Variants in FAM78B observed in about 807,000 individuals in gnomAD.
FAM78B encodes protein FAM78B.
In FAM78B, 10 loss-of-function variants were observed where a neutral mutation model predicts 20.0. The ratio of observed to expected loss-of-function variants is 0.50; its 90% CI spans 0.31 to 0.85. The LOEUF is 0.85. Among genes scored for constraint, FAM78B ranks in the 40% least tolerant of loss-of-function variants. The pLI, the probability that FAM78B is intolerant of heterozygous loss-of-function variation, is 0.05. For synonymous variants in FAM78B, 135 were observed against 132.8 expected (o/e 1.02, Z -0.12); for missense variants, 283 against 345.0 (o/e 0.82, Z 1.42).
intron 1 of FAM78B, among the ~76,000 whole-genome samples, chr1:166,109,711 C>A (rs1015569411): frequency 6.7e-6 from 1 of 148,842 alleles, no homozygotes; most frequent in South Asian, 2.2e-4. Flanking sequence ...CTTGGACACG[C>A]ATGTTTATAG....
intron 1 of FAM78B, among the ~76,000 whole-genome samples, chr1:166,122,201 T>C (rs1192593482): frequency 1.3e-5 from 2 of 152,120 alleles, no homozygotes; most frequent in Non-Finnish European, 2.9e-5. Flanking sequence ...ATAAGCATAG[T>C]CTGAGGGCAT....
At chr1:166,078,370 A>G (rs1652420246) in intron 1 of FAM78B, among the ~76,000 whole-genome samples, 1 of 151,882 alleles carries the variant, frequency 6.6e-6, no homozygotes, top group Admixed American at 6.6e-5. Flanking sequence ...TTCTCCTATA[A>G]CCCTTCTCCT....
At chr1:166,148,995 T>C (rs1234435522) in intron 1 of FAM78B, among the ~76,000 whole-genome samples, 1 of 152,220 alleles carries the variant, frequency 6.6e-6, no homozygotes, top group African/African-American at 2.4e-5. Context: ...TATGGCTGCA[T>C]AGTATTCCAT....
At chr1:166,073,155 A>C (rs745376107) in intron 1 of FAM78B, among the ~76,000 whole-genome samples, 1 of 152,226 alleles carries the variant, frequency 6.6e-6, no homozygotes, top group Non-Finnish European at 1.5e-5. Context: ...GGAACAGAGA[A>C]ATACAACAGG....
intron 1 of FAM78B, among the ~76,000 whole-genome samples, chr1:166,143,985 C>T (rs1359014831): frequency 2.0e-5 from 3 of 152,070 alleles, no homozygotes; most frequent in Admixed American, 6.6e-5. Context: ...AGATGAGATA[C>T]AAACTGCTAA....
chr1:166,130,490 G>A (rs1654832424), intron 1 of FAM78B, among the ~76,000 whole-genome samples: 1 of 152,138 alleles, frequency 6.6e-6, no homozygotes, highest in Non-Finnish European at 1.5e-5. Flanking sequence ...CTGCCCTTCA[G>A]AGGACACCTG....
chr1:166,150,011 TG>T (rs1307875200), intron 1 of FAM78B, among the ~76,000 whole-genome samples: 5 of 152,140 alleles, frequency 3.3e-5, no homozygotes, highest in Non-Finnish European at 5.9e-5. Flanking sequence ...AAGTGAGCCT[TG>T]GGGGTAAGGT....
intron 1 of FAM78B, among the ~76,000 whole-genome samples, chr1:166,160,151 C>T (rs747170483): frequency 6.6e-6 from 1 of 152,148 alleles, no homozygotes; most frequent in Non-Finnish European, 1.5e-5. Flanking sequence ...ATCTGGTCCT[C>T]GAGAGCAAAA....
intron 1 of FAM78B, among the ~76,000 whole-genome samples, chr1:166,113,872 A>T (rs1654156740): frequency 6.6e-6 from 1 of 152,232 alleles, no homozygotes; most frequent in Admixed American, 6.5e-5. Context: ...AATGGAGAAC[A>T]GAAGAAGATG....
Position 166,166,895 on chromosome 1 carries a change from G to C in FAM78B, c.-647C>G, listed in dbSNP as rs1048102956. The C allele has an allele frequency of 6.6e-6, 1 of 151,984 alleles. No individual in the cohort carries two copies. Among genetic ancestry groups the C allele is most frequent in the Non-Finnish European group, 1.5e-5 (1 of 67,982 alleles). 9.4% of individuals were successfully genotyped at this position (151,984 alleles called of 1,614,324 possible). The stretch of plus-strand genomic sequence containing the variant: ...GACCACACCGACACTCCTCGGCCCG[G>C]CTGCCTCGGCCCGGGGGGCGCCAGG... On this transcript the variant is annotated 5_prime_UTR_variant, in exon 1 of 2. Coordinates refer to ENST00000354422, the MANE Select transcript of FAM78B (RefSeq NM_001017961.5).
At chr1:166,088,067 G>C (rs1175256765) in intron 1 of FAM78B, among the ~76,000 whole-genome samples, 1 of 152,122 alleles carries the variant, frequency 6.6e-6, no homozygotes, top group Admixed American at 6.5e-5. Context: ...CAGATGCTTT[G>C]ACCCAATTCT....
chr1:166,113,653 C>A (rs912829742), intron 1 of FAM78B, among the ~76,000 whole-genome samples: 1 of 152,210 alleles, frequency 6.6e-6, no homozygotes, highest in Admixed American at 6.5e-5. Context: ...ACACCTGCCA[C>A]CCTTCTGCAA....
chr1:166,088,855 C>A (rs562606270), intron 1 of FAM78B, among the ~76,000 whole-genome samples: 1 of 152,250 alleles, frequency 6.6e-6, no homozygotes, highest in Non-Finnish European at 1.5e-5. Context: ...TGAGAGGCTT[C>A]CCAGTACTGG....
chr1:166,164,699 A>C (rs993148441), intron 1 of FAM78B: 2 of 152,240 alleles, frequency 1.3e-5, no homozygotes, highest in Admixed American at 6.5e-5. Context: ...CTCAGAGTGC[A>C]ATAAAAAGCC....
chr1:166,131,442 C>T (rs770258402), intron 1 of FAM78B, among the ~76,000 whole-genome samples: 8 of 152,184 alleles, frequency 5.3e-5, no homozygotes, highest in Admixed American at 1.3e-4. Context: ...CACTGTTCCA[C>T]GTTACAGAGG....
At chr1:166,102,677 G>A (rs1040817231) in intron 1 of FAM78B, among the ~76,000 whole-genome samples, 35 of 151,972 alleles carry the variant, frequency 2.3e-4, no homozygotes, top group Admixed American at 1.0e-3. Flanking sequence ...ATATATATGC[G>A]CCCAATACAG....
exon 3 of FAM78B, chr1:166,058,670 A>T (rs1375510699): frequency 6.6e-6 from 1 of 152,290 alleles, no homozygotes; most frequent in African/African-American, 2.4e-5. Context: ...AACTGTTTTC[A>T]TGTAGAATGT....
intron 1 of FAM78B, among the ~76,000 whole-genome samples, chr1:166,086,790 A>G (rs1007371340): frequency 6.6e-6 from 1 of 152,086 alleles, no homozygotes; most frequent in Admixed American, 6.5e-5. Flanking sequence ...TAGCACACAA[A>G]AGGAGTGCCT....
At chr1:166,077,135 A>C (rs1652306029) in intron 1 of FAM78B, among the ~76,000 whole-genome samples, 1 of 152,202 alleles carries the variant, frequency 6.6e-6, no homozygotes, top group Non-Finnish European at 1.5e-5. Flanking sequence ...ATGCTGGTGG[A>C]AGCCATTCTG....
Sources: allele counts gnomAD v4.1 joint callset (sites outside exome capture counted in the v4.1 genomes callset), GRCh38; gene constraint gnomAD v4.1.1; transcripts MANE v1.5; gene names NCBI Gene and HGNC (gene_info 2026-07-23, HGNC 2026-07-21).